Variants in TMEM63A observed in about 807,000 individuals in gnomAD.
TMEM63A encodes the protein transmembrane protein 63A.
Under a neutral mutation model 100.6 loss-of-function variants are expected in TMEM63A, and 76 were observed. That is an observed-to-expected ratio of 0.76 (90% CI 0.63 to 0.91). The LOEUF (loss-of-function observed/expected upper bound fraction) is 0.91. Among genes scored for constraint, TMEM63A ranks in the 40% least tolerant of loss-of-function variants. The pLI is 0.00. For missense variants in TMEM63A, 876 were observed against 1,008.8 expected (o/e 0.87, Z 1.78); for synonymous variants, 401 against 401.1 (o/e 1.00, Z 0.00).
chr1:225,866,646 GA>G lies in TMEM63A; in HGVS notation c.602del (p.Val201AlafsTer26), dbSNP rs760557320. 1 of 1,614,150 alleles carries G rather than the reference GA, an allele frequency of 6.2e-7. No homozygotes were observed. The highest frequency in any genetic ancestry group is 8.5e-7 in the Non-Finnish European group (1 of 1,180,006). On this transcript the variant is annotated frameshift_variant, in exon 9 of 25. Coordinates refer to ENST00000366835, the MANE Select transcript of TMEM63A (RefSeq NM_014698.3). LOFTEE classifies it high-confidence loss of function. ...DLLWLHTIFA[V>X]IYLFLTVGFM... is the part of the protein sequence containing the mutation. ...AACCCACAGTGAGGAAGAGGTAAAT[GA>G]CAGCAAAGATGGTGTGCAGCCAAAG...
intron 4 of TMEM63A, among the ~76,000 whole-genome samples, 183 bp downstream of exon 4, chr1:225,874,105 A>T (rs1426659917): frequency 9.9e-5 from 15 of 152,220 alleles, no homozygotes; most frequent in Admixed American, 9.8e-4. Context: ...ACAATCTCAT[A>T]GCAGTGTCAT....
In TMEM63A at chr1:225,845,675, A is replaced by T. The variant is rs1559029439; in HGVS notation, c.*1264T>A. The T allele has an allele frequency of 4.5e-6, 2 of 448,522 alleles. No homozygotes were observed. The highest frequency in any genetic ancestry group is 8.3e-6 in the Non-Finnish European group (2 of 241,806). 27.8% of individuals were successfully genotyped at this position (448,522 alleles called of 1,614,324 possible). A position where few individuals can be genotyped will look rare whatever the true frequency, so the allele number is the denominator to read the frequency against. On this transcript the variant is annotated 3_prime_UTR_variant, in exon 25 of 25. Coordinates refer to ENST00000366835, the MANE Select transcript of TMEM63A (RefSeq NM_014698.3). The stretch of plus-strand genomic sequence containing the variant: ...CAGAGGCACGGGAGGCCTGCTGGGG[A>T]TGAGGCCACTGGCCAGGGCTATGCT...
intron 8 of TMEM63A, 46 bp from the exon 9 acceptor site, chr1:225,866,728 G>A (rs1670234512): frequency 6.3e-7 from 1 of 1,578,648 alleles, no homozygotes; most frequent in Admixed American, 1.7e-5. Context: ...CCCAGGCAGG[G>A]AGCTGGGGGT....
Position 225,872,656 on chromosome 1 carries a change from T to C in TMEM63A, c.267-603A>G, listed in dbSNP as rs915222890. Among the ~76,000 whole-genome samples, 8 of 151,068 alleles carry C rather than the reference T, an allele frequency of 5.3e-5. 1 individual carries two copies. The highest frequency in any genetic ancestry group is 1.3e-4 in the Admixed American group (2 of 15,132). ...CACCCCATGCGCTATAAATCTGAGG[T>C]GTTTGCAATACGTATATGTGACTGC... On this transcript the variant is annotated intron_variant, in intron 4 of 24. Transcript: ENST00000366835.
At chr1:225,848,676 G>T in intron 22 of TMEM63A, 122 bp from the exon 23 acceptor site, 1 of 1,114,110 alleles carries the variant, frequency 9.0e-7, no homozygotes, top group Non-Finnish European at 1.3e-6. Flanking sequence ...AAGCTCCCCA[G>T]CAGCCCGAGA....
chr1:225,859,555 A>G (rs1488395825), intron 14 of TMEM63A: 1 of 630,284 alleles, frequency 1.6e-6, no homozygotes, highest in Middle Eastern at 4.5e-4. Context: ...CTCCCCAGCT[A>G]AAGTCTGGGG....
chr1:225,842,440 G>C (rs1287553353), downstream of TMEM63A: 2 of 1,614,056 alleles, frequency 1.2e-6, no homozygotes, highest in African/African-American at 2.7e-5. Flanking sequence ...GACCAATACG[G>C]AATTCCGATA....
At chr1:225,859,988 T>TA (rs1412460076) in intron 14 of TMEM63A, 1 of 153,668 alleles carries the variant, frequency 6.5e-6, no homozygotes, top group Non-Finnish European at 1.4e-5. Context: ...GCTTTGTGAC[T>TA]AACGACACAT....
chr1:225,865,960 C>G lies in TMEM63A; in HGVS notation c.683G>C (p.Arg228Pro), dbSNP rs142373258. 3.1e-6 allele frequency: 5 copies of G among 1,613,922 alleles called. No homozygotes were observed. Among genetic ancestry groups the G allele is most frequent in the Non-Finnish European group, 3.4e-6 (4 of 1,179,892 alleles). ...IKYKEENLVRRTLFITGLPRD... is the reference protein window; with the variant it reads ...IKYKEENLVRPTLFITGLPRD... ...GGGGAGTCCTGTGATGAACAGGGTCCGCCTCACCTGTCCGGGAAATACAGC... is the reference window on the plus strand; with the variant it reads ...GGGGAGTCCTGTGATGAACAGGGTCGGCCTCACCTGTCCGGGAAATACAGC... The change falls in exon 10 of 25, where the codon CGG becomes CCG. Residue 228 changes from arginine (R) to proline (P), a missense_variant. Arg to Pro is a moderately radical substitution (Grantham distance 103). Transcript: ENST00000366835. The surrounding 1 kb of genome is among the most constrained non-coding windows in gnomAD (Gnocchi z 4.6).
chr1:225,863,073 A>C, intron 10 of TMEM63A: 2 of 547,006 alleles, frequency 3.7e-6, no homozygotes, highest in Non-Finnish European at 3.3e-6. Flanking sequence ...TTTTGTTTAG[A>C]GACAGGGTCT....
At position 225,874,319 on chromosome 1, in the gene TMEM63A, C is replaced by T; in HGVS notation, c.235G>A (p.Gly79Ser). ...GCTTCTGACACCAGGGCAATGCGGCCATAGTCCCAGAATCTTCTTCTTATA... is the reference window on the plus strand; with the variant it reads ...GCTTCTGACACCAGGGCAATGCGGCTATAGTCCCAGAATCTTCTTCTTATA... The part of the protein sequence containing the change: ...SIIRRRFWDY[G>S]RIALVSEADS... The change falls in exon 4 of 25, where the codon GGC (glycine) becomes AGC (serine). Residue 79 changes from glycine to serine, a missense_variant. Physicochemically the swap from Gly to Ser is moderately conservative, Grantham distance 56. Transcript: ENST00000366835. The T allele has an allele frequency of 1.3e-5, 21 of 1,614,128 alleles. No homozygotes were observed. The highest frequency in any genetic ancestry group is 1.8e-5 in the Non-Finnish European group (21 of 1,180,022).
In TMEM63A at chr1:225,853,629, C is replaced by T. The variant is rs1356269586; in HGVS notation, c.1797G>A (p.Gln599=). 2 of 1,560,956 alleles carry T rather than the reference C, an allele frequency of 1.3e-6. No homozygotes were observed. Among genetic ancestry groups the T allele is most frequent in the Admixed American group, 3.9e-5 (2 of 51,518 alleles). Residue 599 remains glutamine (Q), a splice_region_variant and synonymous_variant, in exon 19 of 25, where the codon CAG becomes CAA. Transcript: ENST00000366835. This position sits in a 1 kb window ranked among gnomAD's most constrained non-coding sequence, Gnocchi z 4.0. The stretch of plus-strand genomic sequence containing the variant: ...CAGCCCTGGGCCCAGGGGATGGCAC[C>T]TGCTTGACATTCCTGCGGTCAGCAG... ...KTAADRRNVK[Q]NQAFQYEFGA...
At position 225,846,907 on chromosome 1, in the gene TMEM63A, G is replaced by A. The variant is rs942733596; in HGVS notation, c.*32C>T. ...AGGGCCTGAGCCCCAGGCCATTCTGGTTGTGTCTTTTCAGAGCAGTGAGAC... is the reference window on the plus strand; with the variant it reads ...AGGGCCTGAGCCCCAGGCCATTCTGATTGTGTCTTTTCAGAGCAGTGAGAC... On this transcript the variant is annotated 3_prime_UTR_variant, in exon 25 of 25. Transcript: ENST00000366835. 3.4e-6 allele frequency: 4 copies of A among 1,160,618 alleles called. No homozygotes were observed. The highest frequency in any genetic ancestry group is 2.9e-5 in the Admixed American group (1 of 34,586). The allele number at this position is 1,160,618 out of a possible 1,614,324, so 71.9% of individuals were successfully genotyped here. A position where few individuals can be genotyped will look rare whatever the true frequency, so the allele number is the denominator to read the frequency against.
At chr1:225,866,163 T>A (rs1670197345) in intron 9 of TMEM63A, 196 bp from the exon 10 acceptor site, 3 of 598,094 alleles carry the variant, frequency 5.0e-6, no homozygotes, top group South Asian at 3.9e-5. Flanking sequence ...GTACAAAGAA[T>A]CCACTTCCAA....
At chr1:225,857,388 G>GC (rs1669688310) in intron 15 of TMEM63A, among the ~76,000 whole-genome samples, 1 of 134,076 alleles carries the variant, frequency 7.5e-6, no homozygotes, top group African/African-American at 2.9e-5. Flanking sequence ...GCGGGGCGGG[G>GC]GGGGGGGGGT....
At chr1:225,873,126 G>C (rs1228546575) in intron 4 of TMEM63A, among the ~76,000 whole-genome samples, 1 of 152,182 alleles carries the variant, frequency 6.6e-6, no homozygotes, top group African/African-American at 2.4e-5. Context: ...TGACCTCATG[G>C]GGAAGAGAGG....
chr1:225,864,964 T>C (rs1458270980), intron 10 of TMEM63A: 1 of 151,892 alleles, frequency 6.6e-6, no homozygotes, highest in African/African-American at 2.4e-5. Context: ...CCATAAAAAA[T>C]TTAAAAATTA....
chr1:225,858,948 ATGTGTGTGTGTGTGTGTGTGTG>A (rs57543496), intron 15 of TMEM63A, among the ~76,000 whole-genome samples: 73 of 139,754 alleles, frequency 5.2e-4, no homozygotes, highest in Middle Eastern at 3.6e-3. Context: ...TATACATATA[ATGTGTGTGTGTGTGTGTGTGTG>A]TGTGTGTGTG....
At chr1:225,844,468 A>T (rs374144870), downstream of TMEM63A, 6 of 1,612,272 alleles carry the variant, frequency 3.7e-6, no homozygotes, top group Non-Finnish European at 5.1e-6. Flanking sequence ...TGTGGCACTG[A>T]GAGTGGGGCT....
Sources: gnomAD v4.1 joint callset for allele counts (sites outside exome capture counted in the v4.1 genomes callset) on GRCh38, gnomAD v4.1.1 for gene constraint, Gnocchi (gnomAD v3.1) non-coding constraint, MANE v1.5 for transcripts, NCBI Gene and HGNC (gene_info 2026-07-23, HGNC 2026-07-21) for gene names.